Variants in RNF185 observed in about 807,000 individuals in gnomAD.
The protein encoded by RNF185 is ring finger protein 185, also known as E3 ubiquitin-protein ligase RNF185.
RNF185 carries 13 observed loss-of-function variants against 24.9 expected under a neutral mutation model. The observed-to-expected ratio is 0.52, with a 90% confidence interval of 0.34 to 0.83. The LOEUF (loss-of-function observed/expected upper bound fraction) is 0.83. RNF185 is among the 40% of genes least tolerant of loss of function. The probability of loss-of-function intolerance (pLI) is 0.01; values close to 1 mark genes in which losing one functional copy is unlikely to be tolerated. For missense variants in RNF185, 184 were observed against 244.7 expected (o/e 0.75, Z 1.65); for synonymous variants, 79 against 90.3 (o/e 0.88, Z 0.71).
At chr22:31,182,110 T>C (rs1057346475) in intron 1 of RNF185, among the ~76,000 whole-genome samples, 11 of 94,772 alleles carry the variant, frequency 1.2e-4, no homozygotes, top group Non-Finnish European at 2.5e-4. Flanking sequence ...CAGTAATTCC[T>C]TTTTTTTTTT....
chr22:31,181,451 T>C (rs1390433160), intron 1 of RNF185, among the ~76,000 whole-genome samples: 1 of 152,242 alleles, frequency 6.6e-6, no homozygotes, highest in East Asian at 1.9e-4. Context: ...TTCCTTGTTC[T>C]TGTTTCATCT....
At chr22:31,189,874 G>T (rs183240406) in intron 2 of RNF185, among the ~76,000 whole-genome samples, 100 of 152,278 alleles carry the variant, frequency 6.6e-4, no homozygotes, top group Non-Finnish European at 8.7e-4. Context: ...GATTACTGGT[G>T]TGAGCCACCA....
At chr22:31,204,411 G>T in intron 6 of RNF185, 78 bp from the exon 7 acceptor site, 1 of 833,560 alleles carries the variant, frequency 1.2e-6, no homozygotes, top group Non-Finnish European at 2.1e-6. Flanking sequence ...GATTGATGCT[G>T]TCAACTTCTG....
At chr22:31,177,607 G>T (rs190875185) in intron 1 of RNF185, among the ~76,000 whole-genome samples, 2 of 152,138 alleles carry the variant, frequency 1.3e-5, no homozygotes, top group African/African-American at 4.8e-5. Flanking sequence ...CCTACGTGTG[G>T]TCCAGCAGCA....
Position 31,195,387 on chromosome 22 carries a change from G to A in RNF185, c.196-82G>A, listed in dbSNP as rs1601373125. The A allele has an allele frequency of 5.8e-6, 5 of 865,700 alleles. No individual in the cohort carries two copies. In the East Asian group the frequency reaches 1.3e-4, roughly 23 times the overall value. 53.6% of individuals were successfully genotyped at this position (865,700 alleles called of 1,614,324 possible). On this transcript the variant is annotated intron_variant, in intron 3 of 6. Coordinates refer to ENST00000326132, the MANE Select transcript of RNF185 (RefSeq NM_152267.4). ...GGTGTTTCCCAGTTTGAGGCCTCTGGCCTGTGTTGTTCTGGTGGCTCTGGC... is the reference window on the plus strand; with the variant it reads ...GGTGTTTCCCAGTTTGAGGCCTCTGACCTGTGTTGTTCTGGTGGCTCTGGC...
chr22:31,196,868 C>G, intron 4 of RNF185, 68 bp from the exon 5 acceptor site: 1 of 1,591,564 alleles, frequency 6.3e-7, no homozygotes, highest in Non-Finnish European at 8.5e-7. Context: ...GTAAAGAGCT[C>G]CAGGTCCTCA....
intron 5 of RNF185, among the ~76,000 whole-genome samples, chr22:31,199,345 T>C (rs2048239431): frequency 6.6e-6 from 1 of 152,172 alleles, no homozygotes; most frequent in Non-Finnish European, 1.5e-5. Context: ...CAGATCTGGC[T>C]GGTATTGAAG....
At chr22:31,165,317 A>G (rs537016058) in intron 1 of RNF185, among the ~76,000 whole-genome samples, 1 of 152,234 alleles carries the variant, frequency 6.6e-6, no homozygotes, top group South Asian at 2.1e-4. Flanking sequence ...GTGTGAAGTG[A>G]TATCTCATTG....
chr22:31,177,258 A>G (rs2047992108), intron 1 of RNF185, among the ~76,000 whole-genome samples: 1 of 151,710 alleles, frequency 6.6e-6, no homozygotes, highest in South Asian at 2.1e-4. Flanking sequence ...TTATTTCTGT[A>G]TCTTGAATGC....
intron 5 of RNF185, among the ~76,000 whole-genome samples, chr22:31,197,379 G>A (rs1312505658): frequency 6.6e-6 from 1 of 152,070 alleles, no homozygotes; most frequent in Non-Finnish European, 1.5e-5. Flanking sequence ...GTGAGTGGGA[G>A]TCTTTTAGTA....
At chr22:31,164,421 A>G (rs1425939317) in intron 1 of RNF185, among the ~76,000 whole-genome samples, 1 of 152,222 alleles carries the variant, frequency 6.6e-6, no homozygotes, top group Non-Finnish European at 1.5e-5. Context: ...GAAATTTAAC[A>G]TTAATACAAT....
chr22:31,192,215 T>G (rs2048162566), intron 2 of RNF185, among the ~76,000 whole-genome samples: 1 of 152,236 alleles, frequency 6.6e-6, no homozygotes, highest in African/African-American at 2.4e-5. Flanking sequence ...CACACATCCC[T>G]TGTGAGCCCG....
intron 2 of RNF185, among the ~76,000 whole-genome samples, chr22:31,189,151 G>GTGTGTGTT (rs1568968933): frequency 1.3e-5 from 2 of 149,214 alleles, no homozygotes; most frequent in Non-Finnish European, 3.0e-5. Context: ...GTGTGTGTGT[G>GTGTGTGTT]TGTGTGTGTG....
At chr22:31,181,941 C>T (rs189404710) in intron 1 of RNF185, among the ~76,000 whole-genome samples, 396 of 151,666 alleles carry the variant, frequency 2.6e-3, no homozygotes, top group Non-Finnish European at 4.1e-3. Flanking sequence ...CAACATAGCA[C>T]ATGTATACAT....
At chr22:31,184,785 C>T (rs894324836) in intron 1 of RNF185, among the ~76,000 whole-genome samples, 7 of 152,178 alleles carry the variant, frequency 4.6e-5, no homozygotes, top group East Asian at 3.9e-4. Flanking sequence ...TGTGGCGGCG[C>T]GCGCCTGCAA....
At chr22:31,164,623 C>G (rs1185954189) in intron 1 of RNF185, among the ~76,000 whole-genome samples, 2 of 139,692 alleles carry the variant, frequency 1.4e-5, no homozygotes, top group East Asian at 2.0e-4. Context: ...GAGTCTCACC[C>G]TGTCACCCAG....
At chr22:31,190,641 CAG>C (rs1392151927) in intron 2 of RNF185, among the ~76,000 whole-genome samples, 4 of 150,498 alleles carry the variant, frequency 2.7e-5, no homozygotes, top group Non-Finnish European at 4.4e-5. Context: ...TGCTGGAGTG[CAG>C]TAGCACTCCA....
At chr22:31,185,631 G>T (rs2048091499) in intron 1 of RNF185, among the ~76,000 whole-genome samples, 1 of 152,216 alleles carries the variant, frequency 6.6e-6, no homozygotes, top group South Asian at 2.1e-4. Context: ...GCTAGAGGCT[G>T]AGTCCAGTAT....
intron 1 of RNF185, among the ~76,000 whole-genome samples, chr22:31,176,702 A>T (rs1399337293): frequency 6.6e-6 from 1 of 150,422 alleles, no homozygotes; most frequent in Non-Finnish European, 1.5e-5. Context: ...GTTAGCCAGG[A>T]TGGTCTCGAT....
Sources: gnomAD v4.1 joint callset for allele counts (sites outside exome capture counted in the v4.1 genomes callset) on GRCh38, gnomAD v4.1.1 for gene constraint, MANE v1.5 for transcripts, NCBI Gene and HGNC (gene_info 2026-07-23, HGNC 2026-07-21) for gene names.